SUSD5: variants seen among roughly 807,000 people sequenced by gnomAD.
The protein encoded by SUSD5 is sushi domain containing 5, also known as sushi domain-containing protein 5.
In SUSD5, 33 loss-of-function variants were observed where a neutral mutation model predicts 29.5. The observed-to-expected ratio is 1.12, with a 90% confidence interval of 0.85 to 1.49. The LOEUF is 1.49. Ranked by LOEUF, SUSD5 falls within the 40% of genes most tolerant of loss-of-function variation. SUSD5 has a pLI of 0.00. For synonymous variants in SUSD5, 308 were observed against 325.3 expected, an observed-to-expected ratio of 0.95 and a Z score of 0.57; for missense variants, 776 against 800.6, an observed-to-expected ratio of 0.97 and a Z score of 0.37.
At chr3:33,158,271 AC>A in intron 4 of SUSD5, among the ~76,000 whole-genome samples, 1 of 152,060 alleles carries the variant, frequency 6.6e-6, no homozygotes, top group South Asian at 2.1e-4. Context: ...CTCTCATAAC[AC>A]CCCGAAGACC....
At chr3:33,161,206 A>C (rs2031181283) in intron 4 of SUSD5, among the ~76,000 whole-genome samples, 1 of 152,208 alleles carries the variant, frequency 6.6e-6, no homozygotes, top group South Asian at 2.1e-4. Flanking sequence ...CACAATATTC[A>C]TTCAGAACAT....
chr3:33,184,578 C>A (rs962311099), intron 3 of SUSD5, among the ~76,000 whole-genome samples: 13 of 152,026 alleles, frequency 8.6e-5, no homozygotes, highest in African/African-American at 1.2e-4. Context: ...TTTTGTGGTA[C>A]CCCATAGTTC....
chr3:33,216,723 T>C (rs2032433780), intron 1 of SUSD5, among the ~76,000 whole-genome samples: 1 of 152,206 alleles, frequency 6.6e-6, no homozygotes, highest in Admixed American at 6.5e-5. Flanking sequence ...ACATCTGTAA[T>C]TCATCATACT....
chr3:33,216,122 A>T (rs576729253), intron 1 of SUSD5, among the ~76,000 whole-genome samples: 1 of 152,236 alleles, frequency 6.6e-6, no homozygotes, highest in African/African-American at 2.4e-5. Flanking sequence ...AAAAGAGAAA[A>T]CACAAAGTAC....
chr3:33,182,625 G>C (rs1287299583), intron 3 of SUSD5, among the ~76,000 whole-genome samples: 1 of 152,188 alleles, frequency 6.6e-6, no homozygotes, highest in Non-Finnish European at 1.5e-5. Context: ...ATACATTAAA[G>C]ATGGTTATGT....
intron 3 of SUSD5, among the ~76,000 whole-genome samples, chr3:33,186,218 C>A (rs534531957): frequency 6.6e-6 from 1 of 151,326 alleles, no homozygotes; most frequent in Non-Finnish European, 1.5e-5. Flanking sequence ...AGGAGAATGG[C>A]GTGAACCCGG....
intron 4 of SUSD5, among the ~76,000 whole-genome samples, chr3:33,174,381 G>C (rs112696572): frequency 0.012 from 1,889 of 152,196 alleles, 47 homozygotes; most frequent in African/African-American, 0.043. Context: ...TGAATGTCTT[G>C]CAACAACCCA....
chr3:33,192,000 G>C (rs142880539), intron 3 of SUSD5, among the ~76,000 whole-genome samples: 1 of 152,036 alleles, frequency 6.6e-6, no homozygotes, highest in Non-Finnish European at 1.5e-5. Flanking sequence ...TTTCCCTTCA[G>C]AACACTGAGT....
chr3:33,207,043 T>C lies in SUSD5; in HGVS notation c.409+765A>G, dbSNP rs374549120. 2.6e-5 allele frequency among the ~76,000 whole-genome samples: 4 copies of C among 152,158 alleles called. No individual in the cohort carries two copies. The East Asian group carries it at 7.7e-4, about 29-fold the overall frequency. ...TTCCTTTTACAACCGTATGTGTTTC[T>C]GATAACAGAGGTGTACTTATTTGGT... On this transcript the variant is annotated intron_variant, in intron 3 of 4. Coordinates refer to ENST00000309558, the MANE Select transcript of SUSD5 (RefSeq NM_015551.2).
At chr3:33,185,332 T>G (rs1402189845) in intron 3 of SUSD5, among the ~76,000 whole-genome samples, 2 of 152,210 alleles carry the variant, frequency 1.3e-5, no homozygotes, top group Non-Finnish European at 2.9e-5. Context: ...AGCAAAAGAT[T>G]TTTCTCTGAT....
At chr3:33,199,086 C>T (rs977775124) in intron 3 of SUSD5, among the ~76,000 whole-genome samples, 12 of 152,046 alleles carry the variant, frequency 7.9e-5, no homozygotes, top group South Asian at 2.1e-4. Flanking sequence ...ATAATGCATG[C>T]GCACTACTAA....
At position 33,154,515 on chromosome 3, in the gene SUSD5, T is replaced by TCAAAAACAACAACAA. The variant is rs1182509362; in HGVS notation, c.599-497_599-483dup. Among the ~76,000 whole-genome samples, 205 of 151,974 alleles carry TCAAAAACAACAACAA rather than the reference T, an allele frequency of 1.3e-3. 2 individuals are homozygous for TCAAAAACAACAACAA. The highest frequency in any genetic ancestry group is 4.6e-3 in the African/African-American group (189 of 41,412). On this transcript the variant is annotated intron_variant, in intron 4 of 4. Transcript: ENST00000309558. The stretch of plus-strand genomic sequence containing the variant: ...TCCAGCCTGGGTGACAGAGTGAGAC[T>TCAAAAACAACAACAA]CAAAAACAACAACAACAAAAACAAC...
Position 33,213,974 on chromosome 3 carries a change from A to C in SUSD5, c.244T>G (p.Ser82Ala), listed in dbSNP as rs762284965. Reference protein sequence around the residue: ...DELRRVVQDCSFAVCTTGWLA... With the variant: ...DELRRVVQDCAFAVCTTGWLA... ...CAGCCAGTGGTGCACACCGCAAAGG[A>C]GCAATCCTGTACCACTCTCCGCAGC... Residue 82 changes from serine to alanine, a missense_variant, in exon 2 of 5, where the codon TCC becomes GCC. Physicochemically the swap from Ser to Ala is moderately conservative, Grantham distance 99 (BLOSUM62 1). Coordinates refer to ENST00000309558, the MANE Select transcript of SUSD5 (RefSeq NM_015551.2). The C allele has an allele frequency of 1.2e-6, 2 of 1,612,886 alleles. No homozygotes were observed. Among genetic ancestry groups the C allele is most frequent in the African/African-American group, 2.7e-5 (2 of 74,874 alleles).
intron 3 of SUSD5, among the ~76,000 whole-genome samples, chr3:33,202,024 T>TTATCTAACTATCTATC (rs146861505): frequency 3.4e-5 from 5 of 146,528 alleles, no homozygotes; most frequent in African/African-American, 1.0e-4. Flanking sequence ...AGGGGAGAAG[T>TTATCTAACTATCTATC]TATCTATCTA....
In SUSD5 at chr3:33,167,039, C is replaced by T. The variant is rs367775493; in HGVS notation, c.598+7847G>A. Among the ~76,000 whole-genome samples the T allele has an allele frequency of 6.6e-6, 1 of 151,878 alleles. No homozygotes were observed. The highest frequency in any genetic ancestry group is 2.4e-5 in the African/African-American group (1 of 41,342). ...ACTAAAAGTACAAAAATTAGCTGAG[C>T]GTGGTGGTGCGTGCCTGTAATCCCA... On this transcript the variant is annotated intron_variant, in intron 4 of 4. Transcript: ENST00000309558. The surrounding 1 kb of genome is among the most constrained non-coding windows in gnomAD (Gnocchi z 4.1).
At chr3:33,182,019 T>C (rs986460917) in intron 3 of SUSD5, among the ~76,000 whole-genome samples, 1 of 152,256 alleles carries the variant, frequency 6.6e-6, no homozygotes, top group African/African-American at 2.4e-5. Context: ...TTTTCTAAAG[T>C]GGAGGCTAAG....
At chr3:33,213,220 A>C (rs115425168) in intron 2 of SUSD5, among the ~76,000 whole-genome samples, 2,373 of 152,220 alleles carry the variant, frequency 0.016, 50 homozygotes, top group African/African-American at 0.053. Context: ...CAGCCTGGGC[A>C]ACATAGCAAG....
In SUSD5 at chr3:33,203,033, G is replaced by A. The variant is rs138418519; in HGVS notation, c.409+4775C>T. Reference sequence around the variant, plus strand: ...GGCAAGCTTTGGAGGAATACTGCACGGAAGCATCTGTTGAGCTGGACCTCA... The same window carrying A: ...GGCAAGCTTTGGAGGAATACTGCACAGAAGCATCTGTTGAGCTGGACCTCA... On this transcript the variant is annotated intron_variant, in intron 3 of 4. Coordinates refer to ENST00000309558, the MANE Select transcript of SUSD5 (RefSeq NM_015551.2). 8.5e-3 allele frequency among the ~76,000 whole-genome samples: 1,289 copies of A among 152,248 alleles called. 24 individuals carry two copies. The highest frequency in any genetic ancestry group is 0.029 in the African/African-American group (1,193 of 41,554).
intron 4 of SUSD5, among the ~76,000 whole-genome samples, chr3:33,159,451 C>T (rs1050337608): frequency 1.3e-5 from 2 of 152,130 alleles, no homozygotes; most frequent in South Asian, 2.1e-4. Flanking sequence ...CTTCCATCTG[C>T]CCCAGTGCTC....
Sources: allele counts gnomAD v4.1 joint callset (sites outside exome capture counted in the v4.1 genomes callset), GRCh38; gene constraint gnomAD v4.1.1; non-coding constraint Gnocchi (gnomAD v3.1); transcripts MANE v1.5; gene names NCBI Gene and HGNC (gene_info 2026-07-23, HGNC 2026-07-21).